Variants in PALM observed in about 807,000 individuals in gnomAD.
The protein encoded by PALM is paralemmin-1.
PALM carries 18 observed loss-of-function variants against 30.7 expected under a neutral mutation model. That is an observed-to-expected ratio of 0.59 (90% CI 0.41 to 0.87). PALM has a LOEUF of 0.87. Among genes scored for constraint, PALM ranks in the 40% least tolerant of loss-of-function variants. The probability of loss-of-function intolerance (pLI) is 0.00; values close to 1 mark genes in which losing one functional copy is unlikely to be tolerated. For synonymous variants in PALM, 286 were observed against 242.8 expected (o/e 1.18, Z -1.66); for missense variants, 529 against 555.4 (o/e 0.95, Z 0.48).
intron 7 of PALM, 91 bp from the exon 8 acceptor site, chr19:740,261 G>T: frequency 7.5e-7 from 1 of 1,336,142 alleles, no homozygotes; most frequent in African/African-American, 1.5e-5. Context: ...GCTCTGCGCT[G>T]CTGGCTCCCC....
At chr19:733,030 G>T (rs1180897113) in intron 5 of PALM, among the ~76,000 whole-genome samples, 1 of 152,044 alleles carries the variant, frequency 6.6e-6, no homozygotes, top group African/African-American at 2.4e-5. Context: ...GGGTTCAAGT[G>T]ATTCTCCTGC....
intron 5 of PALM, among the ~76,000 whole-genome samples, chr19:733,918 G>A (rs2032944414): frequency 6.6e-6 from 1 of 152,190 alleles, no homozygotes; most frequent in South Asian, 2.1e-4. Context: ...CCCAGGAGGC[G>A]GAAGTTGCAG....
chr19:746,687 G>A lies in PALM; in HGVS notation c.1037G>A (p.Ser346Asn), dbSNP rs543622340. The change falls in exon 9 of 9, where the codon AGT (serine) becomes AAT (asparagine). Residue 346 changes from serine (S) to asparagine (N), a missense_variant. Transcript: ENST00000338448. The surrounding 1 kb of genome is among the most constrained non-coding windows in gnomAD (Gnocchi z 7.1). The stretch of plus-strand genomic sequence containing the variant: ...AAGGAGCCTGCACCACCCAACGGCA[G>A]TGCTGCCGAGCCTCCCACGGAGGCC... The part of the protein sequence containing the change: ...EPKEPAPPNG[S>N]AAEPPTEAAS... 3.1e-6 allele frequency: 5 copies of A among 1,610,248 alleles called. No homozygotes were observed. Among genetic ancestry groups the A allele is most frequent in the East Asian group, 4.5e-5 (2 of 44,788 alleles).
intron 7 of PALM, 134 bp downstream of exon 7, chr19:736,212 G>A: frequency 1.6e-6 from 1 of 643,150 alleles, no homozygotes; most frequent in Non-Finnish European, 2.6e-6. Flanking sequence ...TGGTTATGGG[G>A]GTGGCAGCTG....
chr19:746,724 A>G lies in PALM; in HGVS notation c.1074A>G (p.Glu358=). The part of the protein sequence containing the change: ...AEPPTEAASR[E]ENQAGPEATT... ...CTCCCACGGAGGCCGCCTCCAGGGA[A>G]GAGAATCAGGCGGGGCCCGAGGCCA... Residue 358 remains glutamate, a synonymous_variant, in exon 9 of 9, where the codon GAA becomes GAG. Coordinates refer to ENST00000338448, the MANE Select transcript of PALM (RefSeq NM_002579.3). The surrounding 1 kb of genome is among the most constrained non-coding windows in gnomAD (Gnocchi z 7.1). 6.2e-7 allele frequency: 1 copy of G among 1,606,184 alleles called. No homozygotes were observed. Among genetic ancestry groups the G allele is most frequent in the East Asian group, 2.2e-5 (1 of 44,646 alleles).
chr19:714,376 TC>T (rs1335851144), intron 1 of PALM, among the ~76,000 whole-genome samples: 3 of 137,416 alleles, frequency 2.2e-5, no homozygotes, highest in Non-Finnish European at 3.1e-5. Context: ...TTTTTTTTTT[TC>T]AGATGGAGTC....
At position 746,446 on chromosome 19, in the gene PALM, A is replaced by G; in HGVS notation, c.796A>G (p.Thr266Ala). The change falls in exon 9 of 9, where the codon ACC (threonine) becomes GCC (alanine). Residue 266 changes from threonine to alanine, a missense_variant. By Grantham distance (58) the Thr-to-Ala change is moderately conservative. Transcript: ENST00000338448. The surrounding 1 kb of genome is among the most constrained non-coding windows in gnomAD (Gnocchi z 7.1). ...TRGAVEGAAR[T>A]TPSRREITGV... ...GGGGGCTGTGGAGGGGGCAGCCCGG[A>G]CCACGCCCTCCCGGCGGGAGATCAC... 1.9e-6 allele frequency: 3 copies of G among 1,609,472 alleles called. No individual in the cohort carries two copies. Among genetic ancestry groups the G allele is most frequent in the Non-Finnish European group, 2.5e-6 (3 of 1,177,914 alleles).
intron 5 of PALM, among the ~76,000 whole-genome samples, chr19:732,929 G>A: frequency 6.7e-6 from 1 of 149,966 alleles, no homozygotes; most frequent in East Asian, 2.2e-4. Flanking sequence ...ACGTGGGGTG[G>A]TTTTTTTGTG....
chr19:740,559 C>CCGGCG, intron 8 of PALM, 76 bp downstream of exon 8: 1 of 1,384,996 alleles, frequency 7.2e-7, no homozygotes, highest in Non-Finnish European at 9.8e-7. Flanking sequence ...GCGTGTGGGT[C>CCGGCG]TGGCGTCTGC....
Position 747,108 on chromosome 19 carries a change from A to C in PALM, c.*294A>C. The C allele has an allele frequency of 5.9e-6, 2 of 336,414 alleles. No homozygotes were observed. The highest frequency in any genetic ancestry group is 4.7e-5 in the Admixed American group (1 of 21,366). The allele number at this position is 336,414 out of a possible 1,614,324, so 20.8% of individuals were successfully genotyped here. A position where few individuals can be genotyped will look rare whatever the true frequency, so the allele number is the denominator to read the frequency against. ...CCCCCATGTCACGGCAGCTTCACAG[A>C]CGCGGCTCGCGCCCACCGGGGTCCT... On this transcript the variant is annotated 3_prime_UTR_variant, in exon 9 of 9. Coordinates refer to ENST00000338448, the MANE Select transcript of PALM (RefSeq NM_002579.3).
intron 5 of PALM, 45 bp downstream of exon 5, chr19:731,290 C>G (rs777140333): frequency 6.5e-7 from 1 of 1,532,694 alleles, no homozygotes. Context: ...CACCCACTCC[C>G]GCTGGCCCCA....
At chr19:744,695 A>G (rs1308331275) in intron 8 of PALM, among the ~76,000 whole-genome samples, 2 of 151,920 alleles carry the variant, frequency 1.3e-5, no homozygotes, top group Non-Finnish European at 2.9e-5. Flanking sequence ...GGAGTTCAAG[A>G]CCAGCCTGGC....
In PALM at chr19:731,138, C is replaced by A; in HGVS notation, c.313C>A (p.Pro105Thr). The A allele has an allele frequency of 6.2e-7, 1 of 1,606,590 alleles. No individual in the cohort carries two copies. The highest frequency in any genetic ancestry group is 8.5e-7 in the Non-Finnish European group (1 of 1,177,100). The change falls in exon 5 of 9, where the codon CCA becomes ACA. Residue 105 changes from proline (P) to threonine (T), a missense_variant. Physicochemically the swap from Pro to Thr is conservative, Grantham distance 38. Coordinates refer to ENST00000338448, the MANE Select transcript of PALM (RefSeq NM_002579.3). ...GGTGCTGGAGCGTGGAGACTCCGCC[C>A]CAGCCACTGCCAAGGAGAACGCGGC... The part of the protein sequence containing the change: ...IEVLERGDSA[P>T]ATAKENAAAP...
At chr19:729,674 C>A (rs980477793) in intron 4 of PALM, among the ~76,000 whole-genome samples, 1 of 151,886 alleles carries the variant, frequency 6.6e-6, no homozygotes, top group Non-Finnish European at 1.5e-5. Flanking sequence ...GTTGGTTAGG[C>A]TGGTCTCGAA....
In PALM at chr19:746,677, C is replaced by G. The variant is rs778846217; in HGVS notation, c.1027C>G (p.Pro343Ala). Residue 343 changes from proline (P) to alanine (A), a missense_variant, in exon 9 of 9, where the codon CCC becomes GCC. Pro to Ala is a conservative substitution (Grantham distance 27). Coordinates refer to ENST00000338448, the MANE Select transcript of PALM (RefSeq NM_002579.3). This position sits in a 1 kb window ranked among gnomAD's most constrained non-coding sequence, Gnocchi z 7.1. ...GGCTGAGCCCAAGGAGCCTGCACCA[C>G]CCAACGGCAGTGCTGCCGAGCCTCC... ...DAAEPKEPAP[P>A]NGSAAEPPTE... is the part of the protein sequence containing the mutation. 26 of 1,611,110 alleles carry G rather than the reference C, an allele frequency of 1.6e-5. No individual in the cohort carries two copies. Among genetic ancestry groups the G allele is most frequent in the Non-Finnish European group, 2.0e-5 (24 of 1,179,316 alleles).
intron 5 of PALM, 56 bp from the exon 6 acceptor site, chr19:734,117 C>A: frequency 1.3e-6 from 2 of 1,590,986 alleles, no homozygotes; most frequent in Non-Finnish European, 1.7e-6. Flanking sequence ...CCATGGCTCC[C>A]CTTCCTCTTC....
intron 1 of PALM, among the ~76,000 whole-genome samples, chr19:718,257 T>G (rs1399157351): frequency 6.6e-6 from 1 of 152,050 alleles, no homozygotes; most frequent in Non-Finnish European, 1.5e-5. Context: ...GGCTGAAAAT[T>G]AGGACAGAAG....
chr19:730,765 T>A (rs534521948), intron 4 of PALM, among the ~76,000 whole-genome samples: 1 of 152,198 alleles, frequency 6.6e-6, no homozygotes, highest in African/African-American at 2.4e-5. Context: ...TTTGGGAGGA[T>A]GAGGCGGGCA....
intron 1 of PALM, among the ~76,000 whole-genome samples, chr19:711,742 T>G (rs2032086684): frequency 6.6e-6 from 1 of 151,936 alleles, no homozygotes; most frequent in African/African-American, 2.4e-5. Flanking sequence ...TACACTGGAG[T>G]GGTTTTGAAG....
Sources: gnomAD v4.1 joint callset for allele counts (sites outside exome capture counted in the v4.1 genomes callset) on GRCh38, gnomAD v4.1.1 for gene constraint, Gnocchi (gnomAD v3.1) non-coding constraint, MANE v1.5 for transcripts, NCBI Gene and HGNC (gene_info 2026-07-23, HGNC 2026-07-21) for gene names.